The following ACOT11 variants were observed in gnomAD, a reference collection of about 807,000 sequenced individuals.
The protein encoded by ACOT11 is acyl-CoA thioesterase 11.
In ACOT11, 69 loss-of-function variants were observed where a neutral mutation model predicts 77.5. The observed-to-expected ratio is 0.89, with a 90% CI of 0.73 to 1.09. The LOEUF (loss-of-function observed/expected upper bound fraction) is 1.09. Ranked by LOEUF, ACOT11 falls within the 50% of genes least tolerant of loss-of-function variation. ACOT11 has a pLI of 0.00. For synonymous variants in ACOT11, 279 were observed against 313.0 expected (o/e 0.89, Z 1.15); for missense variants, 766 against 813.7 (o/e 0.94, Z 0.71).
chr1:54,604,437 A>G lies in ACOT11; in HGVS notation c.1236+8A>G. ...TCCTCGGAGATCAGTCAGGTAGCTG[A>G]CCCCACCCACCCAATTTTCCTTTCT... On this transcript the variant is annotated splice_region_variant and intron_variant, in intron 12 of 15. Coordinates refer to ENST00000343744, the MANE Select transcript of ACOT11 (RefSeq NM_147161.4). The G allele has an allele frequency of 6.2e-7, 1 of 1,613,156 alleles. No homozygotes were observed. The highest frequency in any genetic ancestry group is 2.2e-5 in the East Asian group (1 of 44,836).
chr1:54,586,072 G>T (rs984208617), intron 3 of ACOT11, among the ~76,000 whole-genome samples, 168 bp downstream of exon 3: 2 of 133,234 alleles, frequency 1.5e-5, no homozygotes, highest in Non-Finnish European at 3.0e-5. Context: ...CCTCTGCAGT[G>T]TTTCTGGGGG....
chr1:54,551,118 C>T (rs1447906441), intron 1 of ACOT11, among the ~76,000 whole-genome samples: 120 of 124,302 alleles, frequency 9.7e-4, no homozygotes, highest in African/African-American at 3.5e-3. Context: ...CCAGCCTGGG[C>T]GACAGTGGTC....
At chr1:54,631,303 G>C (rs1644298499) in intron 16 of ACOT11, among the ~76,000 whole-genome samples, 1 of 152,014 alleles carries the variant, frequency 6.6e-6, no homozygotes, top group Non-Finnish European at 1.5e-5. Flanking sequence ...AGATCAACAG[G>C]GAAGTATTAC....
At chr1:54,601,827 T>A (rs914952536) in intron 9 of ACOT11, among the ~76,000 whole-genome samples, 1 of 152,202 alleles carries the variant, frequency 6.6e-6, no homozygotes, top group Non-Finnish European at 1.5e-5. Context: ...GGGCGATAGA[T>A]GCAGTACTGA....
rs751838721 is a variant in ACOT11, at chr1:54,609,906, C to T, written c.*794C>T. On this transcript the variant is annotated 3_prime_UTR_variant, in exon 16 of 16. Transcript: ENST00000343744. ...ACGGGGTTTTCAGCCACAGTTCCCTCGAGGCCAGTGTTCAGCAGGATCATG... is the reference window on the plus strand; with the variant it reads ...ACGGGGTTTTCAGCCACAGTTCCCTTGAGGCCAGTGTTCAGCAGGATCATG... 1.6e-5 allele frequency: 25 copies of T among 1,610,016 alleles called. No individual in the cohort carries two copies. Among genetic ancestry groups the T allele is most frequent in the East Asian group, 2.2e-5 (1 of 44,878 alleles).
chr1:54,612,377 A>G, downstream of ACOT11: 3 of 745,636 alleles, frequency 4.0e-6, no homozygotes, highest in South Asian at 3.4e-5. Flanking sequence ...GAGCACTGGC[A>G]GGGGTTGGAC....
At chr1:54,561,271 C>G (rs1288310651) in intron 1 of ACOT11, among the ~76,000 whole-genome samples, 2 of 110,428 alleles carry the variant, frequency 1.8e-5, no homozygotes, top group Non-Finnish European at 3.6e-5. Flanking sequence ...GTTTGTGTCC[C>G]TGATTACTTG....
rs1323870053 is a variant in ACOT11 at position 54,610,255 on chromosome 1, C to G, written c.*1143C>G. 1.1e-5 allele frequency: 16 copies of G among 1,464,674 alleles called. No individual in the cohort carries two copies. The highest frequency in any genetic ancestry group is 1.4e-5 in the Non-Finnish European group (16 of 1,114,508). 90.7% of individuals were successfully genotyped at this position (1,464,674 alleles called of 1,614,324 possible). A position where few individuals can be genotyped will look rare whatever the true frequency, so the allele number is the denominator to read the frequency against. On this transcript the variant is annotated 3_prime_UTR_variant, in exon 16 of 16. Transcript: ENST00000343744. ...CCTGTGCTCTTGACATCACTGTACT[C>G]CCTCTCCCTCCCCGCAACCCTGCCC...
chr1:54,622,202 G>T (rs990834472), intron 15 of ACOT11, among the ~76,000 whole-genome samples: 2 of 150,724 alleles, frequency 1.3e-5, no homozygotes, highest in Non-Finnish European at 2.9e-5. Context: ...CTTGAGCCCA[G>T]GGGGTGGAGG....
At chr1:54,604,568 C>T (rs1484056081) in intron 12 of ACOT11, 139 bp downstream of exon 12, 1 of 821,708 alleles carries the variant, frequency 1.2e-6, no homozygotes, top group Non-Finnish European at 1.9e-6. Flanking sequence ...GAAACCAGTC[C>T]AGTTATGGAA....
chr1:54,584,835 T>C lies in ACOT11; in HGVS notation c.214T>C (p.Trp72Arg). 1 of 1,613,846 alleles carries C rather than the reference T, an allele frequency of 6.2e-7. No homozygotes were observed. The highest frequency in any genetic ancestry group is 1.1e-5 in the South Asian group (1 of 91,060). The change falls in exon 2 of 16, where the codon TGG becomes CGG. Residue 72 changes from tryptophan (W) to arginine (R), a missense_variant. Trp to Arg is a moderately radical substitution (Grantham distance 101, BLOSUM62 -3). Transcript: ENST00000343744. This position sits in a 1 kb window ranked among gnomAD's most constrained non-coding sequence, Gnocchi z 6.3. ...GELSVGQLLK[W>R]IDTTACLSAE... is the part of the protein sequence containing the mutation. The stretch of plus-strand genomic sequence containing the variant: ...GCTGAGCGTCGGGCAGCTGCTCAAG[T>C]GGATTGACACCACGGCTTGCCTGTC...
In ACOT11 at chr1:54,568,578, G is replaced by A. The variant is rs371098152; in HGVS notation, c.34-16077G>A. The stretch of plus-strand genomic sequence containing the variant: ...GGGGTTTCTCCATTTTGGTCAGACT[G>A]GTCTCCAGCTCCCAACCTCAGGTGA... On this transcript the variant is annotated intron_variant, in intron 1 of 15. Coordinates refer to ENST00000343744, the MANE Select transcript of ACOT11 (RefSeq NM_147161.4). 6.3e-4 allele frequency among the ~76,000 whole-genome samples: 95 copies of A among 151,958 alleles called. No homozygotes were observed. The East Asian group carries it at 0.016, about 26-fold the overall frequency.
chr1:54,614,648 G>A (rs2101018360), downstream of ACOT11: 2 of 1,554,798 alleles, frequency 1.3e-6, no homozygotes, highest in Non-Finnish European at 8.8e-7. Flanking sequence ...CCTGTGGTAG[G>A]TGTTGACAGA....
downstream of ACOT11, chr1:54,612,394 A>G: frequency 2.3e-6 from 2 of 881,924 alleles, no homozygotes; most frequent in Non-Finnish European, 3.6e-6. Flanking sequence ...GGACGAAATG[A>G]CCTTTAAGAC....
intron 13 of ACOT11, among the ~76,000 whole-genome samples, chr1:54,605,779 T>A (rs1644017341): frequency 6.6e-6 from 1 of 152,226 alleles, no homozygotes; most frequent in Non-Finnish European, 1.5e-5. Context: ...TCCAAATTTA[T>A]TGATTGTTCA....
chr1:54,599,214 ATATATATAT>A (rs1194467340), intron 7 of ACOT11, 73 bp from the exon 8 acceptor site: 7 of 99,544 alleles, frequency 7.0e-5, no homozygotes, highest in Admixed American at 4.6e-4. Flanking sequence ...ATATATATAT[ATATATATAT>A]AAAAATCTGG....
chr1:54,627,407 T>G lies in ACOT11; in HGVS notation c.1630-3327T>G, dbSNP rs1644277989. On this transcript the variant is annotated intron_variant, in intron 15 of 16. Coordinates refer to the ACOT11 transcript ENST00000371316. Reference sequence around the variant, plus strand: ...TGGTTTTTGGCAGGAGGAACAGCCCTGGAACCGACTCCAAGCTGTGAAGAC... The same window carrying G: ...TGGTTTTTGGCAGGAGGAACAGCCCGGGAACCGACTCCAAGCTGTGAAGAC... 1.5e-5 allele frequency among the ~76,000 whole-genome samples: 2 copies of G among 134,522 alleles called. 1 individual carries two copies. The highest frequency in any genetic ancestry group is 1.5e-4 in the Admixed American group (2 of 13,084). 88.3% of individuals were successfully genotyped at this position (134,522 alleles called of 152,430 possible).
At chr1:54,632,445 A>G (rs1383965421) in intron 16 of ACOT11, among the ~76,000 whole-genome samples, 1 of 152,254 alleles carries the variant, frequency 6.6e-6, no homozygotes, top group Non-Finnish European at 1.5e-5. Context: ...GTCTAGTGTA[A>G]GTTTAAAAGG....
chr1:54,564,019 T>C (rs906577018), intron 1 of ACOT11, among the ~76,000 whole-genome samples: 1 of 151,602 alleles, frequency 6.6e-6, no homozygotes, highest in Non-Finnish European at 1.5e-5. Flanking sequence ...TGAGCCGAGA[T>C]TGTGCCACTG....
Sources: allele counts gnomAD v4.1 joint callset (sites outside exome capture counted in the v4.1 genomes callset), GRCh38; gene constraint gnomAD v4.1.1; non-coding constraint Gnocchi (gnomAD v3.1); transcripts MANE v1.5; gene names NCBI Gene and HGNC (gene_info 2026-07-23, HGNC 2026-07-21).